The following RABGAP1L variants were observed in gnomAD, a reference collection of about 807,000 sequenced individuals.
The protein encoded by RABGAP1L is rab GTPase-activating protein 1-like.
In RABGAP1L, 63 loss-of-function variants were observed where a neutral mutation model predicts 137.7. That is an observed-to-expected ratio of 0.46 (90% CI 0.37 to 0.56). The LOEUF (loss-of-function observed/expected upper bound fraction) is 0.56. Ranked by LOEUF, RABGAP1L falls within the 20% of genes least tolerant of loss-of-function variation. The pLI, the probability that RABGAP1L is intolerant of heterozygous loss-of-function variation, is 0.00. For synonymous variants in RABGAP1L, 431 were observed against 433.7 expected (o/e 0.99, Z 0.08); for missense variants, 1,095 against 1,244.0 (o/e 0.88, Z 1.80).
rs546454570 is a variant in RABGAP1L, at chr1:174,231,452, T to G, written c.542+97T>G. 5.4e-6 allele frequency: 6 copies of G among 1,113,128 alleles called. No homozygotes were observed. The East Asian group carries it at 1.4e-4, about 26-fold the overall frequency. The allele number at this position is 1,113,128 out of a possible 1,614,324, so 69.0% of individuals were successfully genotyped here. A position where few individuals can be genotyped will look rare whatever the true frequency, so the allele number is the denominator to read the frequency against. On this transcript the variant is annotated intron_variant, in intron 4 of 25. Transcript: ENST00000681986. ...ATCAGGTGTAGAACTTACTGTGAAC[T>G]CACACTGTAGACATGCAGAGTAAAC...
intron 5 of RABGAP1L, among the ~76,000 whole-genome samples, chr1:174,247,779 C>G (rs1385149534): frequency 2.0e-5 from 3 of 152,196 alleles, no homozygotes; most frequent in African/African-American, 4.8e-5. Context: ...CTATGCAAAT[C>G]AGACATCACG....
chr1:174,461,003 T>A (rs1656626592), intron 13 of RABGAP1L, among the ~76,000 whole-genome samples: 1 of 152,186 alleles, frequency 6.6e-6, no homozygotes, highest in South Asian at 2.1e-4. Flanking sequence ...CAATTTACTC[T>A]GTGCTACTGC....
At chr1:174,488,156 C>T (rs529191654) in intron 13 of RABGAP1L, among the ~76,000 whole-genome samples, 87 of 152,066 alleles carry the variant, frequency 5.7e-4, no homozygotes, top group African/African-American at 2.0e-3. Context: ...TCTTATTGCT[C>T]ATTAATGTCC....
At chr1:174,784,821 T>C (rs963654592) in intron 18 of RABGAP1L, among the ~76,000 whole-genome samples, 10 of 152,198 alleles carry the variant, frequency 6.6e-5, no homozygotes, top group Non-Finnish European at 8.8e-5. Flanking sequence ...CCTTGCATGG[T>C]TGAGGAAGCT....
chr1:174,180,048 C>T (rs1045875112), intron 1 of RABGAP1L, among the ~76,000 whole-genome samples: 2 of 152,194 alleles, frequency 1.3e-5, no homozygotes, highest in Non-Finnish European at 2.9e-5. Context: ...TCTTAAGACT[C>T]TTCTTCCTAA....
chr1:174,550,999 C>CATATATAT lies in RABGAP1L; in HGVS notation c.1711-86360_1711-86353dup, dbSNP rs549477266. The stretch of plus-strand genomic sequence containing the variant: ...GTATATATACATATATATATATACA[C>CATATATAT]ATATATATATATATATATATATACA... On this transcript the variant is annotated intron_variant, in intron 13 of 25. Transcript: ENST00000681986. Among the ~76,000 whole-genome samples the CATATATAT allele has an allele frequency of 1.2e-3, 100 of 86,342 alleles. 6 individuals carry two copies. Among genetic ancestry groups the CATATATAT allele is most frequent in the African/African-American group, 6.6e-3 (80 of 12,054 alleles). 56.6% of individuals were successfully genotyped at this position (86,342 alleles called of 152,430 possible).
At chr1:174,481,681 C>T (rs1348674727) in intron 13 of RABGAP1L, among the ~76,000 whole-genome samples, 1 of 152,102 alleles carries the variant, frequency 6.6e-6, no homozygotes, top group East Asian at 1.9e-4. Context: ...ACTGTAGCTT[C>T]TGCAATGCTG....
At chr1:174,809,309 C>A (rs1689635643) in intron 18 of RABGAP1L, among the ~76,000 whole-genome samples, 1 of 152,144 alleles carries the variant, frequency 6.6e-6, no homozygotes, top group African/African-American at 2.4e-5. Flanking sequence ...AGAGACTTAA[C>A]CTGAGTTAGG....
intron 19 of RABGAP1L, among the ~76,000 whole-genome samples, chr1:174,928,737 G>C (rs1663235213): frequency 6.6e-6 from 1 of 151,600 alleles, no homozygotes; most frequent in African/African-American, 2.4e-5. Flanking sequence ...CCTCTCTTTG[G>C]GGATTTTCTT....
In RABGAP1L at chr1:174,976,126, C is replaced by T. The variant is rs1159459180; in HGVS notation, c.2593C>T (p.Gln865Ter). ...GAATAAAGAGCTCCTTTTGACCAAACAGAGGCTGGTGGAGACTGAAGAGGA... is the reference window on the plus strand; with the variant it reads ...GAATAAAGAGCTCCTTTTGACCAAATAGAGGCTGGTGGAGACTGAAGAGGA... ...VLNKELLLTK[Q>*]RLVETEEEKR... Residue 865 changes from glutamine (Q) to a stop codon, truncating the protein, a stop_gained, in exon 22 of 26, where the codon CAG (glutamine) becomes TAG (stop). Transcript: ENST00000681986. LOFTEE classifies it high-confidence loss of function. 1.3e-6 allele frequency: 2 copies of T among 1,550,964 alleles called. No homozygotes were observed. Among genetic ancestry groups the T allele is most frequent in the Non-Finnish European group, 1.7e-6 (2 of 1,147,122 alleles).
intron 19 of RABGAP1L, chr1:174,935,103 G>A (rs901197449): frequency 6.6e-6 from 1 of 152,058 alleles, no homozygotes; most frequent in African/African-American, 2.4e-5. Flanking sequence ...TAGCTTTTCT[G>A]TCAGCAAAAA....
intron 18 of RABGAP1L, among the ~76,000 whole-genome samples, chr1:174,777,767 G>A (rs1396553135): frequency 6.6e-6 from 1 of 152,066 alleles, no homozygotes; most frequent in Non-Finnish European, 1.5e-5. Context: ...CATTGAATAG[G>A]ATGAAGGGCA....
intron 13 of RABGAP1L, among the ~76,000 whole-genome samples, chr1:174,520,727 G>A (rs1013714132): frequency 6.6e-6 from 1 of 152,194 alleles, no homozygotes; most frequent in South Asian, 2.1e-4. Flanking sequence ...TCTCGGCTGG[G>A]CATGGAGGCT....
intron 1 of RABGAP1L, among the ~76,000 whole-genome samples, chr1:174,179,544 GCACA>G (rs56839600): frequency 0.021 from 3,034 of 147,184 alleles, 42 homozygotes; most frequent in South Asian, 0.046. Flanking sequence ...CTTAGCACGT[GCACA>G]CACACACACA....
At chr1:174,660,361 A>C (rs929823748) in intron 14 of RABGAP1L, among the ~76,000 whole-genome samples, 2 of 152,190 alleles carry the variant, frequency 1.3e-5, no homozygotes, top group African/African-American at 2.4e-5. Flanking sequence ...GGCCCAAGGC[A>C]TATTCTTTTG....
chr1:174,534,337 G>T (rs1483245826), intron 13 of RABGAP1L, among the ~76,000 whole-genome samples: 1 of 152,002 alleles, frequency 6.6e-6, no homozygotes, highest in Non-Finnish European at 1.5e-5. Context: ...TATTCATGAG[G>T]ATTACATTTC....
At chr1:174,779,773 C>CGT (rs1252670634) in intron 18 of RABGAP1L, among the ~76,000 whole-genome samples, 1 of 152,134 alleles carries the variant, frequency 6.6e-6, no homozygotes, top group Non-Finnish European at 1.5e-5. Flanking sequence ...GTATACTGAA[C>CGT]TCCTTTCTTT....
chr1:174,657,886 G>C (rs1480468387), intron 14 of RABGAP1L, among the ~76,000 whole-genome samples: 1 of 152,192 alleles, frequency 6.6e-6, no homozygotes, highest in African/African-American at 2.4e-5. Context: ...ACAGTTGCCT[G>C]TAACTGCTTT....
intron 8 of RABGAP1L, among the ~76,000 whole-genome samples, chr1:174,275,462 A>G (rs974802959): frequency 1.3e-5 from 2 of 152,150 alleles, no homozygotes; most frequent in Non-Finnish European, 2.9e-5. Context: ...AGCTAATTCT[A>G]TATTATTGTT....
Sources: gnomAD v4.1 joint callset for allele counts (sites outside exome capture counted in the v4.1 genomes callset) on GRCh38, gnomAD v4.1.1 for gene constraint, MANE v1.5 for transcripts, NCBI Gene and HGNC (gene_info 2026-07-23, HGNC 2026-07-21) for gene names.